The following VAX1 variants were observed in gnomAD, a reference collection of about 807,000 sequenced individuals.
VAX1 encodes the protein ventral anterior homeobox 1.
In VAX1, 6 loss-of-function variants were observed where a neutral mutation model predicts 17.6. That is an observed-to-expected ratio of 0.34 (90% CI 0.19 to 0.67). The LOEUF (loss-of-function observed/expected upper bound fraction) is 0.67. Among genes scored for constraint, VAX1 ranks in the 30% least tolerant of loss-of-function variants. The probability of loss-of-function intolerance (pLI) is 0.69; values close to 1 mark genes in which losing one functional copy is unlikely to be tolerated. For missense variants in VAX1, 408 were observed against 463.7 expected, an observed-to-expected ratio of 0.88 and a Z score of 1.10; for synonymous variants, 256 against 227.4, an observed-to-expected ratio of 1.13 and a Z score of -1.13.
At chr10:117,135,010 G>A (rs1854153608) in intron 2 of VAX1, among the ~76,000 whole-genome samples, 1 of 152,212 alleles carries the variant, frequency 6.6e-6, no homozygotes, top group Admixed American at 6.5e-5. Flanking sequence ...TGCGGGTGCG[G>A]TGAAGGAAGA....
Position 117,136,861 on chromosome 10 carries a change from G to A in VAX1, c.242-202C>T, listed in dbSNP as rs1039515701. On this transcript the variant is annotated intron_variant, in intron 1 of 2. Transcript: ENST00000369206. This position sits in a 1 kb window ranked among gnomAD's most constrained non-coding sequence, Gnocchi z 5.0. Reference sequence around the variant, plus strand: ...ACTCCATACCGCTGACCGAAGGAGGGACCACACTTTGTCTTTTTGTAGAGT... The same window carrying A: ...ACTCCATACCGCTGACCGAAGGAGGAACCACACTTTGTCTTTTTGTAGAGT... Among the ~76,000 whole-genome samples, 1 of 152,194 alleles carries A rather than the reference G, an allele frequency of 6.6e-6. No individual in the cohort carries two copies. Among genetic ancestry groups the A allele is most frequent in the African/African-American group, 2.4e-5 (1 of 41,458 alleles).
rs1020468326 is a variant in VAX1 at position 117,137,023 on chromosome 10, C to T, written c.242-364G>A. 8.5e-5 allele frequency among the ~76,000 whole-genome samples: 13 copies of T among 152,156 alleles called. No homozygotes were observed. The highest frequency in any genetic ancestry group is 3.1e-4 in the African/African-American group (13 of 41,456). ...CCCTTGTCGCCCCGCCCGGGTCCTG[C>T]GGGCCCCAGCTCTGGGCTTGCCGAC... On this transcript the variant is annotated intron_variant, in intron 1 of 2. Transcript: ENST00000369206. The surrounding 1 kb of genome is among the most constrained non-coding windows in gnomAD (Gnocchi z 7.4).
Position 117,136,643 on chromosome 10 carries a change from G to A in VAX1, c.258C>T (p.Ile86=). The stretch of plus-strand genomic sequence containing the variant: ...GGCCCTTGGGCAGGATGATCTCTCG[G>A]ATGGACCCCTTGGCATCTGGGGAAG... The part of the protein sequence containing the change: ...RILVRDAKGS[I]REIILPKGLD... The change falls in exon 2 of 3, where the codon ATC becomes ATT. Residue 86 remains isoleucine, a synonymous_variant. Transcript: ENST00000369206. The surrounding 1 kb of genome is among the most constrained non-coding windows in gnomAD (Gnocchi z 5.0). The A allele has an allele frequency of 6.2e-7, 1 of 1,605,600 alleles. No homozygotes were observed. The highest frequency in any genetic ancestry group is 1.1e-5 in the South Asian group (1 of 90,914).
chr10:117,135,228 G>A (rs1449182697), intron 2 of VAX1, among the ~76,000 whole-genome samples: 3 of 152,200 alleles, frequency 2.0e-5, no homozygotes, highest in Non-Finnish European at 2.9e-5. Flanking sequence ...AATATGTGCG[G>A]GAGACTTTAT....
Position 117,137,758 on chromosome 10 carries a change from A to G in VAX1, c.241+58T>C. 6.2e-7 allele frequency: 1 copy of G among 1,604,576 alleles called. No homozygotes were observed. Among genetic ancestry groups the G allele is most frequent in the South Asian group, 1.1e-5 (1 of 90,664 alleles). On this transcript the variant is annotated intron_variant, in intron 1 of 2. Transcript: ENST00000369206. This position sits in a 1 kb window ranked among gnomAD's most constrained non-coding sequence, Gnocchi z 7.4. ...CCGGCCTGTGTCGGCGGCAGCGCGC[A>G]GCTCCGGCCCCGGAGTCGACCCCAA...
Position 117,138,222 on chromosome 10 carries a change from C to G in VAX1, c.-166G>C, listed in dbSNP as rs1296974674. On this transcript the variant is annotated 5_prime_UTR_variant, in exon 1 of 3. Transcript: ENST00000369206. ...GGCAAGGGGCAAGAATGAATGTCCC[C>G]GCGGGGAGGCTTCGGCGGCCGCGCG... The G allele has an allele frequency of 3.5e-6, 3 of 863,276 alleles. No homozygotes were observed. Among genetic ancestry groups the G allele is most frequent in the Non-Finnish European group, 5.3e-6 (3 of 570,768 alleles). The allele number at this position is 863,276 out of a possible 1,614,324, so 53.5% of individuals were successfully genotyped here. A position where few individuals can be genotyped will look rare whatever the true frequency, so the allele number is the denominator to read the frequency against.
downstream of VAX1, chr10:117,131,260 G>A (rs762821533): frequency 4.6e-5 from 7 of 152,402 alleles, no homozygotes; most frequent in Non-Finnish European, 1.0e-4. Flanking sequence ...AAGCGCAGGC[G>A]TTTACGGGAC....
downstream of VAX1, chr10:117,132,203 C>T (rs1209337041): frequency 6.2e-7 from 1 of 1,611,768 alleles, no homozygotes; most frequent in Middle Eastern, 1.8e-4. This position sits in a 1 kb window ranked among gnomAD's most constrained non-coding sequence, Gnocchi z 4.9. Context: ...GTCGCAGGGC[C>T]CCGCACTATA....
downstream of VAX1, chr10:117,131,839 G>T (rs939635814): frequency 1.5e-5 from 3 of 205,476 alleles, no homozygotes; most frequent in Non-Finnish European, 2.9e-5. Flanking sequence ...TCTCTTTGAC[G>T]ATGGCGAGAC....
Position 117,136,808 on chromosome 10 carries a change from A to G in VAX1, c.242-149T>C. Reference sequence around the variant, plus strand: ...GAGCGCGACCACAACCAGGTAGCAAAGACACTGTGTGGAGGGCAAGGGGCC... The same window carrying G: ...GAGCGCGACCACAACCAGGTAGCAAGGACACTGTGTGGAGGGCAAGGGGCC... On this transcript the variant is annotated intron_variant, in intron 1 of 2. Transcript: ENST00000369206. The surrounding 1 kb of genome is among the most constrained non-coding windows in gnomAD (Gnocchi z 5.0). 1 of 939,840 alleles carries G rather than the reference A, an allele frequency of 1.1e-6. No homozygotes were observed. Among genetic ancestry groups the G allele is most frequent in the Admixed American group, 2.9e-5 (1 of 34,616 alleles). 58.2% of individuals were successfully genotyped at this position (939,840 alleles called of 1,614,324 possible).
In VAX1 at chr10:117,134,783, C is replaced by T. The variant is rs1324105352; in HGVS notation, c.430-200G>A. On this transcript the variant is annotated intron_variant, in intron 2 of 2. Coordinates refer to ENST00000369206, the MANE Select transcript of VAX1 (RefSeq NM_001112704.2). The surrounding 1 kb of genome is among the most constrained non-coding windows in gnomAD (Gnocchi z 6.2). Reference sequence around the variant, plus strand: ...CGCCACGAGGGGGACACAGCTGCTCCACCGGGCTGCGCTTCCGGGTCAGGG... The same window carrying T: ...CGCCACGAGGGGGACACAGCTGCTCTACCGGGCTGCGCTTCCGGGTCAGGG... 6.6e-6 allele frequency among the ~76,000 whole-genome samples: 1 copy of T among 152,074 alleles called. No individual in the cohort carries two copies. Among genetic ancestry groups the T allele is most frequent in the African/African-American group, 2.4e-5 (1 of 41,448 alleles).
downstream of VAX1, chr10:117,132,566 C>G: frequency 6.9e-7 from 1 of 1,455,618 alleles, no homozygotes. The surrounding 1 kb of genome is among the most constrained non-coding windows in gnomAD (Gnocchi z 4.9). Flanking sequence ...AAGTGTTTTT[C>G]GCTTGCTTCA....
rs1222815221 is a variant in VAX1 at position 117,134,628 on chromosome 10, G to A, written c.430-45C>T. 6.9e-7 allele frequency: 1 copy of A among 1,458,346 alleles called. No individual in the cohort carries two copies. Among genetic ancestry groups the A allele is most frequent in the African/African-American group, 1.5e-5 (1 of 67,922 alleles). 90.3% of individuals were successfully genotyped at this position (1,458,346 alleles called of 1,614,324 possible). ...GAGAGTTGGAGAGAGGGGCAGGGAA[G>A]ACCAGCGTCAAAGGAAGCGAGCTCC... On this transcript the variant is annotated intron_variant, in intron 2 of 2. Coordinates refer to ENST00000369206, the MANE Select transcript of VAX1 (RefSeq NM_001112704.2). The surrounding 1 kb of genome is among the most constrained non-coding windows in gnomAD (Gnocchi z 6.2).
Position 117,134,211 on chromosome 10 carries a change from C to A in VAX1, c.802G>T (p.Ala268Ser). 1 of 1,466,298 alleles carries A rather than the reference C, an allele frequency of 6.8e-7. No homozygotes were observed. The highest frequency in any genetic ancestry group is 9.0e-7 in the Non-Finnish European group (1 of 1,115,238). The allele number at this position is 1,466,298 out of a possible 1,614,324, so 90.8% of individuals were successfully genotyped here. ...GGCAGGCTGAAGAGGCTGTGGCCCG[C>A]GGCCGGGGCGCCTGCGTGCAATCCC... is the stretch of plus-strand genomic sequence containing the variant. ...PGGLHAGAPA[A>S]GHSLFSLPVP... The change falls in exon 3 of 3, where the codon GCG (alanine) becomes TCG (serine). Residue 268 changes from alanine (A) to serine (S), a missense_variant. By Grantham distance (99) the Ala-to-Ser change is moderately conservative. Transcript: ENST00000369206. This position sits in a 1 kb window ranked among gnomAD's most constrained non-coding sequence, Gnocchi z 6.2.
downstream of VAX1, chr10:117,133,181 C>G: frequency 4.2e-6 from 3 of 715,068 alleles, no homozygotes; most frequent in Non-Finnish European, 5.1e-6. Flanking sequence ...AGTTACAACA[C>G]CCAGAACCTT....
chr10:117,137,665 C>A lies in VAX1; in HGVS notation c.241+151G>T. The A allele has an allele frequency of 4.0e-6, 6 of 1,518,642 alleles. No individual in the cohort carries two copies. In the African/African-American group the frequency reaches 4.2e-5, roughly 11 times the overall value. The allele number at this position is 1,518,642 out of a possible 1,614,324, so 94.1% of individuals were successfully genotyped here. On this transcript the variant is annotated intron_variant, in intron 1 of 2. Coordinates refer to ENST00000369206, the MANE Select transcript of VAX1 (RefSeq NM_001112704.2). The surrounding 1 kb of genome is among the most constrained non-coding windows in gnomAD (Gnocchi z 7.4). ...GCACCGGAGAGTCCCAGGCGCTTGT[C>A]CCCAGCCGGACTCGGGGCGGGGAGG...
chr10:117,137,766 C>T lies in VAX1; in HGVS notation c.241+50G>A. On this transcript the variant is annotated intron_variant, in intron 1 of 2. Transcript: ENST00000369206. This position sits in a 1 kb window ranked among gnomAD's most constrained non-coding sequence, Gnocchi z 7.4. The stretch of plus-strand genomic sequence containing the variant: ...TGTCGGCGGCAGCGCGCAGCTCCGG[C>T]CCCGGAGTCGACCCCAAAGAACGCG... The T allele has an allele frequency of 3.1e-6, 5 of 1,606,924 alleles. No homozygotes were observed. Among genetic ancestry groups the T allele is most frequent in the South Asian group, 1.1e-5 (1 of 90,768 alleles).
chr10:117,136,782 G>A lies in VAX1; in HGVS notation c.242-123C>T, dbSNP rs1854187456. 6 of 1,210,052 alleles carry A rather than the reference G, an allele frequency of 5.0e-6. No individual in the cohort carries two copies. Among genetic ancestry groups the A allele is most frequent in the Non-Finnish European group, 6.8e-6 (6 of 879,806 alleles). The allele number at this position is 1,210,052 out of a possible 1,614,324, so 75.0% of individuals were successfully genotyped here. ...GTTTTGGGGATGGGGGGCGGGGTGCGGAGCGCGACCACAACCAGGTAGCAA... is the reference window on the plus strand; with the variant it reads ...GTTTTGGGGATGGGGGGCGGGGTGCAGAGCGCGACCACAACCAGGTAGCAA... On this transcript the variant is annotated intron_variant, in intron 1 of 2. Coordinates refer to ENST00000369206, the MANE Select transcript of VAX1 (RefSeq NM_001112704.2). The surrounding 1 kb of genome is among the most constrained non-coding windows in gnomAD (Gnocchi z 5.0).
At chr10:117,129,387 G>C (rs1458243582), downstream of VAX1, 2 of 152,556 alleles carry the variant, frequency 1.3e-5, no homozygotes, top group Non-Finnish European at 2.9e-5. Context: ...CATTGACCTA[G>C]TGTGTTTTTA....
Sources: gnomAD v4.1 joint callset for allele counts (sites outside exome capture counted in the v4.1 genomes callset) on GRCh38, gnomAD v4.1.1 for gene constraint, Gnocchi (gnomAD v3.1) non-coding constraint, MANE v1.5 for transcripts, NCBI Gene and HGNC (gene_info 2026-07-23, HGNC 2026-07-21) for gene names.